FAM217A: variants seen among roughly 807,000 people sequenced by gnomAD.
FAM217A encodes protein FAM217A.
FAM217A carries 13 observed loss-of-function variants against 18.5 expected under a neutral mutation model. The ratio of observed to expected loss-of-function variants is 0.70; its 90% confidence interval spans 0.46 to 1.12. The LOEUF (loss-of-function observed/expected upper bound fraction) is 1.12. Ranked by LOEUF, FAM217A falls within the 50% of genes most tolerant of loss-of-function variation. FAM217A has a pLI of 0.00. For missense variants in FAM217A, 560 were observed against 575.4 expected (o/e 0.97, Z 0.27); for synonymous variants, 161 against 202.8 (o/e 0.79, Z 1.75).
At chr6:4,084,721 G>A in exon 2 of FAM217A, 1 of 702,936 alleles carries the variant, frequency 1.4e-6, no homozygotes, top group Non-Finnish European at 2.6e-6. Flanking sequence ...GAACATTACT[G>A]AACACCTTGC....
intron 2 of FAM217A, 27 bp downstream of exon 2, chr6:4,077,328 A>T (rs1363816681): frequency 6.2e-7 from 1 of 1,613,074 alleles, no homozygotes; most frequent in African/African-American, 1.3e-5. Context: ...CTGCCCAAAC[A>T]CTCAAGTTCA....
rs1478292531 is a variant in FAM217A at position 4,069,023 on chromosome 6, A to G, written c.1200T>C (p.Asp400=). ...STPKQLIETY[D]KNPKSSILSP... is the part of the protein sequence containing the mutation. ...TTAAAATAGAACTTTTGGGATTCTTATCATAAGTTTCAATCAATTGTTTTG... is the reference window on the plus strand; with the variant it reads ...TTAAAATAGAACTTTTGGGATTCTTGTCATAAGTTTCAATCAATTGTTTTG... The change falls in exon 7 of 7, where the codon GAT becomes GAC. Residue 400 remains aspartate (D), a synonymous_variant. Transcript: ENST00000274673. The G allele has an allele frequency of 1.2e-6, 2 of 1,613,626 alleles. No homozygotes were observed. Among genetic ancestry groups the G allele is most frequent in the African/African-American group, 2.7e-5 (2 of 74,908 alleles).
intron 6 of FAM217A, among the ~76,000 whole-genome samples, chr6:4,073,019 A>G (rs1251412890): frequency 6.6e-6 from 1 of 152,228 alleles, no homozygotes; most frequent in Non-Finnish European, 1.5e-5. Flanking sequence ...TGCTTTCAAC[A>G]GGAAGTCCAT....
At chr6:4,071,358 A>G (rs1243362598) in intron 6 of FAM217A, among the ~76,000 whole-genome samples, 2 of 152,204 alleles carry the variant, frequency 1.3e-5, no homozygotes, top group Non-Finnish European at 2.9e-5. Flanking sequence ...CCAAACTTCC[A>G]TCTCTGCAAC....
At chr6:4,079,617 C>T (rs1289961704), upstream of FAM217A, 3 of 1,283,910 alleles carry the variant, frequency 2.3e-6, no homozygotes, top group East Asian at 5.9e-5. Context: ...ACCCGGGGCC[C>T]GGCCCACCCG....
upstream of FAM217A, chr6:4,079,763 A>G: frequency 1.2e-6 from 1 of 826,808 alleles, no homozygotes; most frequent in Non-Finnish European, 1.6e-6. Context: ...ATATATTAAC[A>G]TAGAAGAAGA....
chr6:4,077,540 T>C, intron 1 of FAM217A, 92 bp from the exon 2 acceptor site: 1 of 1,081,350 alleles, frequency 9.2e-7, no homozygotes, highest in South Asian at 1.3e-5. Context: ...CTAAAGGAGG[T>C]AAGAGAATGC....
At chr6:4,074,800 C>T in intron 2 of FAM217A, 139 bp from the exon 3 acceptor site, 1 of 630,678 alleles carries the variant, frequency 1.6e-6, no homozygotes, top group Non-Finnish European at 2.8e-6. Flanking sequence ...AAGAACTTAT[C>T]AGCATCTTTG....
intron 6 of FAM217A, among the ~76,000 whole-genome samples, chr6:4,071,117 G>A (rs943200153): frequency 2.6e-5 from 4 of 152,092 alleles, no homozygotes; most frequent in Admixed American, 1.3e-4. Flanking sequence ...TAATAGACAC[G>A]TACATGTAGT....
rs1329222993 is a variant in FAM217A, at chr6:4,069,854, A to C, written c.369T>G (p.Thr123=). The change falls in exon 7 of 7, where the codon ACT becomes ACG. Residue 123 remains threonine, a synonymous_variant. Coordinates refer to ENST00000274673, the MANE Select transcript of FAM217A (RefSeq NM_173563.3). ...AAGCAATTGTTAATGGGTGGTTCAG[A>C]GTGAAGACCCTTATAGGATGATTGA... is the stretch of plus-strand genomic sequence containing the variant. ...NVINHPIRVF[T]LNHPLTIASV... The C allele has an allele frequency of 2.5e-6, 4 of 1,613,666 alleles. No individual in the cohort carries two copies. Among genetic ancestry groups the C allele is most frequent in the Admixed American group, 1.7e-5 (1 of 60,016 alleles).
At chr6:4,075,059 T>G (rs1021035084) in intron 2 of FAM217A, among the ~76,000 whole-genome samples, 3 of 152,168 alleles carry the variant, frequency 2.0e-5, no homozygotes, top group Non-Finnish European at 2.9e-5. Flanking sequence ...AAGCCAGGTG[T>G]GGTGGCTCAT....
intron 1 of FAM217A, among the ~76,000 whole-genome samples, chr6:4,078,336 T>G (rs1453110097): frequency 6.6e-6 from 1 of 152,064 alleles, no homozygotes; most frequent in Non-Finnish European, 1.5e-5. Flanking sequence ...ACAGGCGTGA[T>G]CCACTGCACC....
chr6:4,079,454 C>A, upstream of FAM217A: 1 of 377,550 alleles, frequency 2.6e-6, no homozygotes, highest in Non-Finnish European at 4.8e-6. Context: ...CGGGCCTTCT[C>A]GGACTTTCCC....
In FAM217A at chr6:4,068,875, T is replaced by G; in HGVS notation, c.1348A>C (p.Thr450Pro). The G allele has an allele frequency of 1.2e-6, 2 of 1,614,144 alleles. No homozygotes were observed. The highest frequency in any genetic ancestry group is 1.7e-6 in the Non-Finnish European group (2 of 1,180,012). ...TCTTCCTTCTGATTTTCGGGAAAAG[T>G]CAGAGGTATAGGTGAAACTGGCATT... ...SPMPVSPIPL[T>P]FPENQKEEIK... Residue 450 changes from threonine to proline, a missense_variant, in exon 7 of 7, where the codon ACT becomes CCT. By Grantham distance (38) the Thr-to-Pro change is conservative. Transcript: ENST00000274673.
At position 4,073,339 on chromosome 6, in the gene FAM217A, T is replaced by G. The variant is rs762200158; in HGVS notation, c.238A>C (p.Ser80Arg). Residue 80 changes from serine to arginine, a missense_variant, in exon 6 of 7, where the codon AGT (serine) becomes CGT (arginine). Ser to Arg is a moderately radical substitution (Grantham distance 110). Coordinates refer to ENST00000274673, the MANE Select transcript of FAM217A (RefSeq NM_173563.3). ...CATAATTGAAAGATCCCTTGTTTAC[T>G]ATTCTGATGACAGAAAAATAATGGG... ...SVHSQKSTQNSKQGIFQLWNC... is the reference protein window; with the variant it reads ...SVHSQKSTQNRKQGIFQLWNC... The G allele has an allele frequency of 6.2e-7, 1 of 1,608,248 alleles. No individual in the cohort carries two copies. The highest frequency in any genetic ancestry group is 1.1e-5 in the South Asian group (1 of 89,634).
At chr6:4,080,409 G>A (rs1431202342), upstream of FAM217A, among the ~76,000 whole-genome samples, 3 of 152,118 alleles carry the variant, frequency 2.0e-5, no homozygotes, top group Non-Finnish European at 1.5e-5. Context: ...CATGTGGGCC[G>A]GGGCCTTGTC....
At chr6:4,085,309 A>AG in intron 1 of FAM217A, among the ~76,000 whole-genome samples, 1 of 114,382 alleles carries the variant, frequency 8.7e-6, no homozygotes, top group Non-Finnish European at 1.8e-5. Context: ...ATTGTAAAAA[A>AG]AAATATATAT....
intron 1 of FAM217A, 90 bp from the exon 2 acceptor site, chr6:4,077,538 G>C: frequency 9.0e-7 from 1 of 1,106,240 alleles, no homozygotes; most frequent in Non-Finnish European, 1.4e-6. Context: ...ATCTAAAGGA[G>C]GTAAGAGAAT....
rs1448096426 is a variant in FAM217A at position 4,084,853 on chromosome 6, A to T, written c.19-43T>A. The stretch of plus-strand genomic sequence containing the variant: ...GAATTGCATTTACCTAAAAGTCATG[A>T]ATAAAAGATCAGCCTAACTAGAAAA... On this transcript the variant is annotated intron_variant, in intron 1 of 8. Transcript: ENST00000639338. 3 of 697,410 alleles carry T rather than the reference A, an allele frequency of 4.3e-6. No homozygotes were observed. In the South Asian group the frequency reaches 4.5e-5, roughly 10 times the overall value. 43.2% of individuals were successfully genotyped at this position (697,410 alleles called of 1,614,324 possible).
Sources: allele counts gnomAD v4.1 joint callset (sites outside exome capture counted in the v4.1 genomes callset), GRCh38; gene constraint gnomAD v4.1.1; transcripts MANE v1.5; gene names NCBI Gene and HGNC (gene_info 2026-07-23, HGNC 2026-07-21).